Variants in PKIB observed in about 807,000 individuals in gnomAD.
PKIB encodes PKI-beta.
A neutral mutation model predicts 4.5 loss-of-function variants in PKIB; 2 were observed. The ratio of observed to expected loss-of-function variants is 0.44; its 90% confidence interval spans 0.18 to 1.39. PKIB has a LOEUF of 1.39. Ranked by LOEUF, PKIB falls within the 40% of genes most tolerant of loss-of-function variation. The probability of loss-of-function intolerance (pLI) is 0.27; values close to 1 mark genes in which losing one functional copy is unlikely to be tolerated. For synonymous variants in PKIB, 38 were observed against 36.0 expected (o/e 1.06, Z -0.20); for missense variants, 94 against 92.6 (o/e 1.02, Z -0.06).
chr6:122,668,482 C>T (rs1328011977), intron 2 of PKIB, among the ~76,000 whole-genome samples: 2 of 152,084 alleles, frequency 1.3e-5, no homozygotes, highest in African/African-American at 2.4e-5. Flanking sequence ...TCCTGATGTC[C>T]CTTAAGCAGC....
At chr6:122,493,424 A>C (rs989077422) in intron 2 of PKIB, 2 of 152,236 alleles carry the variant, frequency 1.3e-5, no homozygotes, top group Non-Finnish European at 2.9e-5. Flanking sequence ...TCTGTTGTTT[A>C]TAAGATACAC....
At chr6:122,520,661 T>TTTCATC (rs1562237597) in intron 2 of PKIB, among the ~76,000 whole-genome samples, 1 of 55,546 alleles carries the variant, frequency 1.8e-5, no homozygotes, top group African/African-American at 6.0e-5. Flanking sequence ...AAGTTTATGT[T>TTTCATC]CCCACCCCCC....
intron 1 of PKIB, among the ~76,000 whole-genome samples, chr6:122,622,227 C>T (rs1357751983): frequency 6.6e-6 from 1 of 152,100 alleles, no homozygotes; most frequent in East Asian, 1.9e-4. Flanking sequence ...TGTGTTAGCA[C>T]AAACTCGGTA....
rs1778682962 is a variant in PKIB, at chr6:122,698,844, A to G, written c.-8-18943A>G. Reference sequence around the variant, plus strand: ...TTGGACTTGTATTAACCTTGTAGGTACTGAGAGGGTTAATACCTGTTTTTT... The same window carrying G: ...TTGGACTTGTATTAACCTTGTAGGTGCTGAGAGGGTTAATACCTGTTTTTT... On this transcript the variant is annotated intron_variant, in intron 3 of 4. Coordinates refer to ENST00000368452, the MANE Select transcript of PKIB (RefSeq NM_181795.3). Among the ~76,000 whole-genome samples the G allele has an allele frequency of 3.3e-5, 5 of 152,356 alleles. No homozygotes were observed. The South Asian group carries it at 1.0e-3, about 32-fold the overall frequency.
At chr6:122,577,280 A>C (rs1489311199) in intron 2 of PKIB, among the ~76,000 whole-genome samples, 2 of 152,240 alleles carry the variant, frequency 1.3e-5, no homozygotes, top group African/African-American at 2.4e-5. Context: ...TAAGTTAAAA[A>C]AAAGTATGTG....
At chr6:122,532,309 T>C (rs1777282840) in intron 2 of PKIB, among the ~76,000 whole-genome samples, 1 of 152,224 alleles carries the variant, frequency 6.6e-6, no homozygotes, top group African/African-American at 2.4e-5. Context: ...CTTTTGTTTA[T>C]TTAATACTTT....
At chr6:122,485,712 T>C (rs748693331) in intron 2 of PKIB, among the ~76,000 whole-genome samples, 1 of 152,172 alleles carries the variant, frequency 6.6e-6, no homozygotes, top group Non-Finnish European at 1.5e-5. Context: ...TCAAAGGCAG[T>C]GTTAAAGCGG....
intron 2 of PKIB, among the ~76,000 whole-genome samples, chr6:122,658,773 A>G (rs1386213897): frequency 5.3e-5 from 8 of 151,354 alleles, no homozygotes. Flanking sequence ...TGAACTAGGA[A>G]TCACTGAAGA....
intron 2 of PKIB, among the ~76,000 whole-genome samples, chr6:122,657,358 A>G (rs956035836): frequency 6.6e-6 from 1 of 152,176 alleles, no homozygotes; most frequent in South Asian, 2.1e-4. Context: ...ACATTTTTTC[A>G]AAGTGGTTAT....
At chr6:122,703,305 C>A (rs1338946988) in intron 3 of PKIB, among the ~76,000 whole-genome samples, 1 of 151,942 alleles carries the variant, frequency 6.6e-6, no homozygotes, top group African/African-American at 2.4e-5. Context: ...TTTAAACTTA[C>A]AGAATTTTAA....
intron 4 of PKIB, among the ~76,000 whole-genome samples, chr6:122,722,212 A>G (rs1203087780): frequency 2.6e-5 from 4 of 152,164 alleles, no homozygotes; most frequent in Admixed American, 6.5e-5. Flanking sequence ...GTTGACAGCA[A>G]TCATAACCTC....
intron 3 of PKIB, among the ~76,000 whole-genome samples, chr6:122,602,845 A>G (rs1774417462): frequency 6.6e-6 from 1 of 151,596 alleles, no homozygotes; most frequent in Non-Finnish European, 1.5e-5. Flanking sequence ...AGTCCCAGCT[A>G]CCTGAGAGGC....
At chr6:122,677,919 T>A (rs1473212287) in intron 3 of PKIB, among the ~76,000 whole-genome samples, 1 of 151,734 alleles carries the variant, frequency 6.6e-6, no homozygotes, top group Non-Finnish European at 1.5e-5. Flanking sequence ...TCTTTCTTTT[T>A]TTGTTTGAAA....
intron 2 of PKIB, among the ~76,000 whole-genome samples, chr6:122,535,811 G>T (rs1168799735): frequency 6.6e-6 from 1 of 152,170 alleles, no homozygotes; most frequent in Non-Finnish European, 1.5e-5. Flanking sequence ...CATGACATCA[G>T]TCGGGTTTGT....
chr6:122,490,340 T>C (rs530094354), intron 2 of PKIB, among the ~76,000 whole-genome samples: 35 of 152,296 alleles, frequency 2.3e-4, no homozygotes, highest in African/African-American at 8.2e-4. Context: ...TATTAAAGTG[T>C]GCCCTTACCA....
intron 3 of PKIB, among the ~76,000 whole-genome samples, chr6:122,678,945 T>C (rs1315990395): frequency 1.3e-5 from 2 of 152,182 alleles, no homozygotes; most frequent in Non-Finnish European, 2.9e-5. Flanking sequence ...GTCAGCATGA[T>C]GGAGGAAGAG....
chr6:122,686,400 C>T (rs199963094), intron 3 of PKIB, among the ~76,000 whole-genome samples: 3 of 152,046 alleles, frequency 2.0e-5, no homozygotes, highest in Non-Finnish European at 2.9e-5. Context: ...CTCTGATAGA[C>T]GAATGATATG....
intron 2 of PKIB, among the ~76,000 whole-genome samples, chr6:122,572,225 T>G (rs1297637590): frequency 6.6e-6 from 1 of 152,074 alleles, no homozygotes; most frequent in African/African-American, 2.4e-5. Flanking sequence ...AACAAAATGA[T>G]TAGTTCAACA....
intron 2 of PKIB, among the ~76,000 whole-genome samples, chr6:122,561,997 T>TG (rs1359169742): frequency 7.4e-6 from 1 of 135,414 alleles, no homozygotes; most frequent in South Asian, 2.6e-4. Flanking sequence ...TGTTTTTGTT[T>TG]TTTTTTGTTT....
Sources: allele counts gnomAD v4.1 joint callset (sites outside exome capture counted in the v4.1 genomes callset), GRCh38; gene constraint gnomAD v4.1.1; transcripts MANE v1.5; gene names NCBI Gene and HGNC (gene_info 2026-07-23, HGNC 2026-07-21).